Variants in EFCAB11 observed in about 807,000 individuals in gnomAD.
EFCAB11 encodes the protein EF-hand calcium binding domain 11, also known as EF-hand calcium-binding domain-containing protein 11.
In EFCAB11, 14 loss-of-function variants were observed where a neutral mutation model predicts 23.0. That is an observed-to-expected ratio of 0.61 (90% CI 0.40 to 0.95). The LOEUF is 0.95. Ranked by LOEUF, EFCAB11 falls within the 40% of genes least tolerant of loss-of-function variation. The pLI, the probability that EFCAB11 is intolerant of heterozygous loss-of-function variation, is 0.00. For synonymous variants in EFCAB11, 65 were observed against 66.6 expected (o/e 0.98, Z 0.11); for missense variants, 198 against 195.8 (o/e 1.01, Z -0.07).
intron 5 of EFCAB11, among the ~76,000 whole-genome samples, chr14:89,861,933 C>CA (rs943344577): frequency 1.2e-4 from 18 of 152,132 alleles, no homozygotes; most frequent in African/African-American, 4.1e-4. Flanking sequence ...GTTATAGCAA[C>CA]AAAAAATTGA....
intron 3 of EFCAB11, among the ~76,000 whole-genome samples, chr14:89,943,640 GCATGTAAAATTGA>G (rs1890869074): frequency 1.3e-5 from 2 of 152,170 alleles, no homozygotes; most frequent in South Asian, 4.1e-4. Flanking sequence ...AAGAGAAATA[GCATGTAAAATTGA>G]CTCGTATCAA....
intron 5 of EFCAB11, among the ~76,000 whole-genome samples, chr14:89,914,140 G>A (rs1164977532): frequency 1.3e-5 from 2 of 152,188 alleles, no homozygotes; most frequent in Non-Finnish European, 2.9e-5. Context: ...GCAAATATCT[G>A]AACACCACAT....
chr14:89,928,656 T>C (rs1445294731), intron 5 of EFCAB11, among the ~76,000 whole-genome samples: 1 of 147,780 alleles, frequency 6.8e-6, no homozygotes, highest in Non-Finnish European at 1.5e-5. Flanking sequence ...ATCTTGCTAT[T>C]GAATTATATA....
chr14:89,886,980 T>C lies in EFCAB11; in HGVS notation c.410+44561A>G, dbSNP rs969975700. Among the ~76,000 whole-genome samples, 6 of 152,226 alleles carry C rather than the reference T, an allele frequency of 3.9e-5. No homozygotes were observed. In the East Asian group the frequency reaches 1.2e-3, roughly 29 times the overall value. On this transcript the variant is annotated intron_variant, in intron 5 of 5. Transcript: ENST00000316738. ...CCTAAATAATCCACAGAAAATCTTA[T>C]AGATTTGAATTAACAAAGATCAAAT...
chr14:89,832,220 G>A (rs559272639), intron 5 of EFCAB11, among the ~76,000 whole-genome samples: 315 of 152,254 alleles, frequency 2.1e-3, no homozygotes, highest in African/African-American at 7.4e-3. Context: ...GGCTGAGGTA[G>A]GAGAATCACT....
chr14:89,902,680 A>T (rs1566804095), intron 5 of EFCAB11, among the ~76,000 whole-genome samples: 1 of 152,190 alleles, frequency 6.6e-6, no homozygotes, highest in Admixed American at 6.5e-5. Context: ...AACACTTAAG[A>T]TTAGATATTA....
intron 5 of EFCAB11, among the ~76,000 whole-genome samples, chr14:89,797,757 C>A (rs1297918843): frequency 6.6e-6 from 1 of 152,100 alleles, no homozygotes; most frequent in Non-Finnish European, 1.5e-5. Flanking sequence ...CATGGTGAAA[C>A]CTTGTCTCTA....
At chr14:89,869,734 T>C (rs543953893) in intron 5 of EFCAB11, among the ~76,000 whole-genome samples, 1 of 152,276 alleles carries the variant, frequency 6.6e-6, no homozygotes, top group African/African-American at 2.4e-5. Flanking sequence ...AAGCATTTGG[T>C]CTACAGTAGG....
chr14:89,826,023 C>G (rs765190801), intron 5 of EFCAB11, among the ~76,000 whole-genome samples: 13 of 152,096 alleles, frequency 8.5e-5, no homozygotes, highest in Non-Finnish European at 1.9e-4. Flanking sequence ...TGACAGGTTT[C>G]TGCCCTAATG....
Position 89,795,969 on chromosome 14 carries a change from T to G in EFCAB11, c.*1274A>C, listed in dbSNP as rs77208717. 0.09 allele frequency: 13,695 copies of G among 152,230 alleles called. 740 individuals are homozygous for G. The highest frequency in any genetic ancestry group is 0.22 in the East Asian group (1,125 of 5,174). The allele number at this position is 152,230 out of a possible 1,614,324, so 9.4% of individuals were successfully genotyped here. On this transcript the variant is annotated 3_prime_UTR_variant, in exon 6 of 6. Coordinates refer to ENST00000316738, the MANE Select transcript of EFCAB11 (RefSeq NM_145231.4). ...GGAGCCCAGCAGGACAGGCAAGGCA[T>G]GGGGAACGTGAACACACATGGCTAA...
At chr14:89,853,632 A>ATATT (rs958882041) in intron 5 of EFCAB11, among the ~76,000 whole-genome samples, 1 of 152,222 alleles carries the variant, frequency 6.6e-6, no homozygotes, top group African/African-American at 2.4e-5. Flanking sequence ...CTTAAAATGA[A>ATATT]TATTAAATAA....
intron 5 of EFCAB11, among the ~76,000 whole-genome samples, chr14:89,817,815 G>C (rs756207055): frequency 6.6e-6 from 1 of 152,022 alleles, no homozygotes; most frequent in African/African-American, 2.4e-5. Flanking sequence ...CCAACATGGC[G>C]AAACCCCGTC....
intron 5 of EFCAB11, among the ~76,000 whole-genome samples, chr14:89,811,672 G>A (rs1278664473): frequency 1.3e-5 from 2 of 152,136 alleles, no homozygotes; most frequent in East Asian, 3.9e-4. Flanking sequence ...AGGAAGGCAG[G>A]GGCCTCTGGA....
chr14:89,823,370 G>C (rs1176251263), intron 5 of EFCAB11, among the ~76,000 whole-genome samples: 1 of 152,120 alleles, frequency 6.6e-6, no homozygotes, highest in South Asian at 2.1e-4. Flanking sequence ...TGAACTTCCA[G>C]GTAAGAGCCC....
At chr14:89,820,048 C>T (rs1278274054) in intron 5 of EFCAB11, among the ~76,000 whole-genome samples, 1 of 152,008 alleles carries the variant, frequency 6.6e-6, no homozygotes, top group Non-Finnish European at 1.5e-5. Flanking sequence ...ATAAAGACCA[C>T]ATAGACATAA....
intron 5 of EFCAB11, among the ~76,000 whole-genome samples, chr14:89,913,326 A>T (rs7159430): frequency 0.056 from 8,524 of 152,298 alleles, 414 homozygotes; most frequent in African/African-American, 0.12. Flanking sequence ...ACAAGTATAT[A>T]TTTATCTACT....
intron 5 of EFCAB11, among the ~76,000 whole-genome samples, chr14:89,916,118 C>G (rs1596451741): frequency 6.6e-6 from 1 of 151,610 alleles, no homozygotes; most frequent in African/African-American, 2.4e-5. Context: ...TAATTTTTCC[C>G]CCCAAAACAA....
chr14:89,872,092 G>T (rs1888290301), intron 5 of EFCAB11, among the ~76,000 whole-genome samples: 1 of 152,140 alleles, frequency 6.6e-6, no homozygotes, highest in Non-Finnish European at 1.5e-5. Context: ...AGTTTCAGGG[G>T]CTCCACAGAA....
chr14:89,897,393 G>T (rs146231602), intron 5 of EFCAB11, among the ~76,000 whole-genome samples: 2 of 152,058 alleles, frequency 1.3e-5, no homozygotes, highest in Non-Finnish European at 2.9e-5. Context: ...ATTTTTAGTA[G>T]AGACAGGGTT....
Sources: gnomAD v4.1 joint callset for allele counts (sites outside exome capture counted in the v4.1 genomes callset) on GRCh38, gnomAD v4.1.1 for gene constraint, MANE v1.5 for transcripts, NCBI Gene and HGNC (gene_info 2026-07-23, HGNC 2026-07-21) for gene names.